The following ARL15 variants were observed in gnomAD, a reference collection of about 807,000 sequenced individuals.
ARL15 encodes ARF like GTPase 15.
ARL15 carries 19 observed loss-of-function variants against 25.2 expected under a neutral mutation model. That is an observed-to-expected ratio of 0.75 (90% CI 0.53 to 1.10). The LOEUF is 1.10. Among genes scored for constraint, ARL15 ranks in the 50% least tolerant of loss-of-function variants. The pLI is 0.00. For missense variants in ARL15, 220 were observed against 246.0 expected (o/e 0.89, Z 0.71); for synonymous variants, 94 against 86.8 (o/e 1.08, Z -0.46).
At chr5:54,248,172 C>CA (rs1298830339) in intron 1 of ARL15, among the ~76,000 whole-genome samples, 3 of 152,150 alleles carry the variant, frequency 2.0e-5, no homozygotes, top group Non-Finnish European at 4.4e-5. Flanking sequence ...CTCCAACCCC[C>CA]AGAGTGATGG....
intron 4 of ARL15, among the ~76,000 whole-genome samples, chr5:53,921,408 G>A (rs1459000898): frequency 2.6e-5 from 4 of 152,172 alleles, no homozygotes; most frequent in African/African-American, 9.7e-5. Context: ...TTGAACTTAT[G>A]TTCCAGTAAT....
At chr5:54,170,503 C>T (rs1239373853) in intron 2 of ARL15, among the ~76,000 whole-genome samples, 1 of 152,212 alleles carries the variant, frequency 6.6e-6, no homozygotes, top group East Asian at 1.9e-4. Context: ...CCACTGAATA[C>T]AATTTGTCTC....
chr5:53,887,338 G>A, intron 4 of ARL15: 1 of 699,994 alleles, frequency 1.4e-6, no homozygotes. Context: ...TTACATATAT[G>A]CGTAAAATCT....
intron 4 of ARL15, among the ~76,000 whole-genome samples, chr5:53,915,723 C>T (rs1167746874): frequency 6.6e-6 from 1 of 152,136 alleles, no homozygotes; most frequent in Non-Finnish European, 1.5e-5. Flanking sequence ...GTAAAATAAG[C>T]ATCCCTGTCA....
chr5:54,116,136 T>TAGTC (rs1219168558), intron 3 of ARL15, among the ~76,000 whole-genome samples: 1 of 152,218 alleles, frequency 6.6e-6, no homozygotes, highest in East Asian at 1.9e-4. Flanking sequence ...CACCCTTGTA[T>TAGTC]AGTCATTAGC....
intron 1 of ARL15, among the ~76,000 whole-genome samples, chr5:54,190,095 C>G (rs1755354553): frequency 6.6e-6 from 1 of 151,998 alleles, no homozygotes; most frequent in Non-Finnish European, 1.5e-5. Context: ...AAATACAAAT[C>G]AAAACTACAG....
At chr5:54,163,354 AGCTTTTTT>A (rs766172905) in intron 2 of ARL15, among the ~76,000 whole-genome samples, 16 of 63,092 alleles carry the variant, frequency 2.5e-4, no homozygotes, top group East Asian at 1.5e-3. Context: ...ATTGGTATGA[AGCTTTTTT>A]TTTTTTTTTT....
chr5:54,203,623 T>A (rs780431234), intron 1 of ARL15, among the ~76,000 whole-genome samples: 4 of 152,208 alleles, frequency 2.6e-5, no homozygotes, highest in Non-Finnish European at 4.4e-5. Flanking sequence ...CCATGTCACA[T>A]ACACAAGCTT....
rs116981369 is a variant in ARL15 at position 54,040,151 on chromosome 5, G to A, written c.462+73051C>T. ...TCAATATTTCTTATCTTTACATTTCGTCATGCATTAAAATCCTATTTGGAC... is the reference window on the plus strand; with the variant it reads ...TCAATATTTCTTATCTTTACATTTCATCATGCATTAAAATCCTATTTGGAC... On this transcript the variant is annotated intron_variant, in intron 4 of 4. Transcript: ENST00000504924. Among the ~76,000 whole-genome samples the A allele has an allele frequency of 3.6e-4, 55 of 152,098 alleles. No individual in the cohort carries two copies. The East Asian group carries it at 8.3e-3, about 23-fold the overall frequency.
At chr5:53,907,686 CG>C (rs1335319459) in intron 4 of ARL15, among the ~76,000 whole-genome samples, 4 of 150,332 alleles carry the variant, frequency 2.7e-5, no homozygotes, top group Non-Finnish European at 5.9e-5. Flanking sequence ...TTAGTAGAGA[CG>C]GGGTTTCACC....
Position 54,145,914 on chromosome 5 carries a change from A to G in ARL15, c.253+8666T>C, listed in dbSNP as rs79366662. Reference sequence around the variant, plus strand: ...ATTCATAAATCTCCAATCTTGTTTCATCTGTAAACTAAACTTAGTGTATCT... The same window carrying G: ...ATTCATAAATCTCCAATCTTGTTTCGTCTGTAAACTAAACTTAGTGTATCT... On this transcript the variant is annotated intron_variant, in intron 3 of 4. Transcript: ENST00000504924. 9.5e-4 allele frequency among the ~76,000 whole-genome samples: 144 copies of G among 152,232 alleles called. 1 individual carries two copies. The East Asian group carries it at 0.019, about 20-fold the overall frequency.
chr5:54,240,980 G>C (rs1394324464), intron 1 of ARL15, among the ~76,000 whole-genome samples: 5 of 152,166 alleles, frequency 3.3e-5, no homozygotes, highest in Non-Finnish European at 5.9e-5. Flanking sequence ...GTACTAGTTA[G>C]ATATGGTACT....
At chr5:54,280,881 A>G (rs1486989733) in intron 1 of ARL15, among the ~76,000 whole-genome samples, 1 of 152,106 alleles carries the variant, frequency 6.6e-6, no homozygotes, top group Non-Finnish European at 1.5e-5. Context: ...CTGATTAGAA[A>G]AGTCCTTCAT....
At chr5:53,915,565 A>G (rs552811770) in intron 4 of ARL15, among the ~76,000 whole-genome samples, 4 of 152,322 alleles carry the variant, frequency 2.6e-5, no homozygotes, top group Admixed American at 2.6e-4. Flanking sequence ...CAGTTTGGAC[A>G]ATGTCTAGGT....
chr5:54,011,893 CAG>C (rs1749253084), intron 4 of ARL15, among the ~76,000 whole-genome samples: 1 of 152,076 alleles, frequency 6.6e-6, no homozygotes, highest in South Asian at 2.1e-4. Flanking sequence ...CCTGTAGTCC[CAG>C]CTACTGGGGA....
intron 3 of ARL15, among the ~76,000 whole-genome samples, chr5:54,138,736 C>A (rs1460845269): frequency 6.6e-6 from 1 of 151,908 alleles, no homozygotes; most frequent in East Asian, 1.9e-4. Context: ...AGTAAACAGC[C>A]CACAGAATGG....
At chr5:54,295,900 A>C (rs2112700070) in intron 1 of ARL15, among the ~76,000 whole-genome samples, 1 of 152,362 alleles carries the variant, frequency 6.6e-6, no homozygotes, top group East Asian at 1.9e-4. Flanking sequence ...TCAAAAGCAG[A>C]AACTTGACTT....
At chr5:54,053,200 C>T (rs954746949) in intron 4 of ARL15, among the ~76,000 whole-genome samples, 1 of 151,990 alleles carries the variant, frequency 6.6e-6, no homozygotes, top group Non-Finnish European at 1.5e-5. Context: ...AGACTAGGAG[C>T]AATATGGCAA....
chr5:54,007,970 A>T (rs1015037877), intron 4 of ARL15, among the ~76,000 whole-genome samples: 1 of 152,122 alleles, frequency 6.6e-6, no homozygotes, highest in Non-Finnish European at 1.5e-5. Flanking sequence ...CCTTCAATAC[A>T]TCTCAGTGAG....
Sources: allele counts gnomAD v4.1 joint callset (sites outside exome capture counted in the v4.1 genomes callset), GRCh38; gene constraint gnomAD v4.1.1; transcripts MANE v1.5; gene names NCBI Gene and HGNC (gene_info 2026-07-23, HGNC 2026-07-21).